RAB3IP: variants seen among roughly 807,000 people sequenced by gnomAD.
RAB3IP encodes the protein RAB3A interacting protein, also known as rab-3A-interacting protein.
RAB3IP carries 36 observed loss-of-function variants against 59.1 expected under a neutral mutation model. The ratio of observed to expected loss-of-function variants is 0.61; its 90% CI spans 0.47 to 0.80. The LOEUF is 0.80. Among genes scored for constraint, RAB3IP ranks in the 30% least tolerant of loss-of-function variants. The pLI is 0.00. For synonymous variants in RAB3IP, 207 were observed against 191.2 expected, an observed-to-expected ratio of 1.08 and a Z score of -0.68; for missense variants, 511 against 536.0, an observed-to-expected ratio of 0.95 and a Z score of 0.46.
At chr12:69,787,338 A>T (rs1334241083) in intron 4 of RAB3IP, among the ~76,000 whole-genome samples, 7 of 152,220 alleles carry the variant, frequency 4.6e-5, no homozygotes, top group Non-Finnish European at 1.0e-4. Flanking sequence ...TCTATATCTT[A>T]CATGGAGAAA....
rs755138496 is a variant in RAB3IP at position 69,755,624 on chromosome 12, C to T, written c.216C>T (p.Pro72=). The change falls in exon 2 of 11, where the codon CCC becomes CCT. Residue 72 remains proline, a synonymous_variant. Coordinates refer to ENST00000247833, the MANE Select transcript of RAB3IP (RefSeq NM_022456.5). The part of the protein sequence containing the change: ...ELPTQPVYSS[P]RRLNCAEISS... The stretch of plus-strand genomic sequence containing the variant: ...CTACACAACCCGTGTATTCATCCCC[C>T]AGACGTTTAAATTGTGCGGAAATAT... The T allele has an allele frequency of 1.9e-6, 3 of 1,613,736 alleles. No homozygotes were observed. The highest frequency in any genetic ancestry group is 2.7e-5 in the African/African-American group (2 of 74,890).
intron 1 of RAB3IP, among the ~76,000 whole-genome samples, chr12:69,755,151 G>A (rs1472050927): frequency 1.3e-5 from 2 of 151,890 alleles, no homozygotes; most frequent in Non-Finnish European, 2.9e-5. Flanking sequence ...TTGTGATCAC[G>A]GCTCACTGCA....
intron 4 of RAB3IP, among the ~76,000 whole-genome samples, chr12:69,791,642 C>G (rs1398001956): frequency 1.3e-5 from 2 of 152,184 alleles, no homozygotes; most frequent in East Asian, 1.9e-4. Flanking sequence ...GTTAGAATGG[C>G]TATTATCAAA....
At chr12:69,779,331 A>G (rs1874216859) in intron 3 of RAB3IP, 1 of 147,684 alleles carries the variant, frequency 6.8e-6, no homozygotes, top group African/African-American at 2.5e-5. Context: ...CCCTAGTGAG[A>G]TGAACCCGGT....
intron 8 of RAB3IP, among the ~76,000 whole-genome samples, chr12:69,805,666 G>T (rs567843771): frequency 6.6e-6 from 1 of 151,808 alleles, no homozygotes; most frequent in African/African-American, 2.4e-5. Flanking sequence ...TTTGAAATAC[G>T]TCCCATCAAT....
chr12:69,744,229 T>TG (rs1412229230), intron 1 of RAB3IP, among the ~76,000 whole-genome samples: 3 of 152,116 alleles, frequency 2.0e-5, no homozygotes, highest in East Asian at 1.9e-4. Context: ...AGTGAGAACA[T>TG]GCGGTGTTCT....
chr12:69,747,474 A>G (rs1203989242), intron 1 of RAB3IP, among the ~76,000 whole-genome samples: 1 of 151,964 alleles, frequency 6.6e-6, no homozygotes, highest in Non-Finnish European at 1.5e-5. Flanking sequence ...GCTAATTTTT[A>G]AATTTTTTGT....
At chr12:69,758,062 G>C (rs1479902696) in intron 3 of RAB3IP, among the ~76,000 whole-genome samples, 1 of 152,156 alleles carries the variant, frequency 6.6e-6, no homozygotes, top group African/African-American at 2.4e-5. Context: ...AGATCTCAAG[G>C]CTTGAAAAGG....
At chr12:69,786,765 GCAGGATGT>G (rs1875720448) in intron 4 of RAB3IP, among the ~76,000 whole-genome samples, 2 of 150,640 alleles carry the variant, frequency 1.3e-5, no homozygotes, top group African/African-American at 4.9e-5. Flanking sequence ...CCTGTAAGTA[GCAGGATGT>G]GAAGGGCCAG....
At chr12:69,802,432 C>A (rs1366578861) in intron 8 of RAB3IP, among the ~76,000 whole-genome samples, 1 of 152,162 alleles carries the variant, frequency 6.6e-6, no homozygotes, top group East Asian at 1.9e-4. Context: ...CATAGCAGGG[C>A]AGACTTGTTT....
intron 3 of RAB3IP, among the ~76,000 whole-genome samples, chr12:69,764,583 C>CT (rs1411100001): frequency 1.3e-5 from 2 of 151,714 alleles, no homozygotes; most frequent in African/African-American, 4.8e-5. Flanking sequence ...AATATGGTAC[C>CT]TCTGACTTCT....
intron 6 of RAB3IP, among the ~76,000 whole-genome samples, chr12:69,799,223 C>G (rs183326364): frequency 1.3e-5 from 2 of 152,148 alleles, no homozygotes; most frequent in Non-Finnish European, 2.9e-5. Context: ...AGACTACTTG[C>G]ACATCTGATT....
chr12:69,743,642 G>A (rs931214287), intron 1 of RAB3IP, among the ~76,000 whole-genome samples: 78 of 152,192 alleles, frequency 5.1e-4, no homozygotes, highest in South Asian at 2.1e-4. Context: ...AATGACTTGC[G>A]TCAGTTCACA....
In RAB3IP at chr12:69,792,028, G is replaced by A. The variant is rs115335861; in HGVS notation, c.607-2409G>A. Among the ~76,000 whole-genome samples the A allele has an allele frequency of 5.5e-3, 836 of 152,262 alleles. 4 individuals carry two copies. The highest frequency in any genetic ancestry group is 0.019 in the African/African-American group (787 of 41,556). On this transcript the variant is annotated intron_variant, in intron 4 of 10. Coordinates refer to ENST00000247833, the MANE Select transcript of RAB3IP (RefSeq NM_022456.5). ...TGCAACAACATGAGCGAACCTGGAG[G>A]ACATTTTGCTAAGTGAAATAAGCAA...
chr12:69,801,613 C>T lies in RAB3IP; in HGVS notation c.1022C>T (p.Ala341Val), dbSNP rs145656493. 3 of 1,602,588 alleles carry T rather than the reference C, an allele frequency of 1.9e-6. No homozygotes were observed. In the African/African-American group the frequency reaches 4.0e-5, roughly 22 times the overall value. ...TACTTTTTCTTTTTTTTTAAGTTGGCTTCAGCTGTTCTGGAGGCTGTGGAA... is the reference window on the plus strand; with the variant it reads ...TACTTTTTCTTTTTTTTTAAGTTGGTTTCAGCTGTTCTGGAGGCTGTGGAA... Reference protein sequence around the residue: ...PCLTFSKSELASAVLEAVENN... With the variant: ...PCLTFSKSELVSAVLEAVENN... Residue 341 changes from alanine to valine, a missense_variant, in exon 8 of 11, where the codon GCT (alanine) becomes GTT (valine). Ala to Val is a moderately conservative substitution (Grantham distance 64). Transcript: ENST00000247833.
intron 3 of RAB3IP, among the ~76,000 whole-genome samples, chr12:69,779,613 C>T (rs148157541): frequency 4.9e-4 from 73 of 150,298 alleles, no homozygotes; most frequent in East Asian, 2.9e-3. Flanking sequence ...ATCGTTTCTT[C>T]GCTTGGTTAA....
intron 6 of RAB3IP, chr12:69,796,550 G>T: frequency 4.1e-6 from 2 of 491,790 alleles, no homozygotes; most frequent in Non-Finnish European, 7.3e-6. Context: ...TTAAATTTTT[G>T]TATGGAAGCC....
intron 4 of RAB3IP, among the ~76,000 whole-genome samples, chr12:69,786,988 C>T (rs943620175): frequency 1.4e-4 from 21 of 152,212 alleles, no homozygotes; most frequent in African/African-American, 3.9e-4. Context: ...GTGGAAAAAG[C>T]GCTCAAAGTT....
At position 69,820,608 on chromosome 12, in the gene RAB3IP, C is replaced by T. The variant is rs1481871405; in HGVS notation, c.*5162C>T. On this transcript the variant is annotated 3_prime_UTR_variant, in exon 11 of 11. Transcript: ENST00000247833. ...GTGCGATGGCTCATGCCTGTAATCC[C>T]AGCACTTTGGGAGGCCGAGGCGGGC... The T allele has an allele frequency of 6.7e-6, 1 of 150,024 alleles. No homozygotes were observed. The highest frequency in any genetic ancestry group is 2.5e-5 in the African/African-American group (1 of 40,502). 9.3% of individuals were successfully genotyped at this position (150,024 alleles called of 1,614,324 possible). A position where few individuals can be genotyped will look rare whatever the true frequency, so the allele number is the denominator to read the frequency against.
Sources: gnomAD v4.1 joint callset for allele counts (sites outside exome capture counted in the v4.1 genomes callset) on GRCh38, gnomAD v4.1.1 for gene constraint, MANE v1.5 for transcripts, NCBI Gene and HGNC (gene_info 2026-07-23, HGNC 2026-07-21) for gene names.